The following AR variants were observed in gnomAD, a reference collection of about 807,000 sequenced individuals.
AR encodes dihydrotestosterone receptor.
In AR, 8 loss-of-function variants were observed where a neutral mutation model predicts 53.9. The observed-to-expected ratio is 0.15, with a 90% CI of 0.09 to 0.27. The LOEUF is 0.27. Ranked by LOEUF, AR falls within the 10% of genes least tolerant of loss-of-function variation. The pLI is 1.00. For synonymous variants in AR, 359 were observed against 316.4 expected, an observed-to-expected ratio of 1.13 and a Z score of -1.43; for missense variants, 639 against 742.5, an observed-to-expected ratio of 0.86 and a Z score of 1.62.
At chrX:67,581,505 C>T (rs763647822) in intron 1 of AR, among the ~76,000 whole-genome samples, 2 of 111,613 alleles carry the variant, frequency 1.8e-5, no homozygotes, top group Admixed American at 9.5e-5. Flanking sequence ...CTGGTACTGT[C>T]CTTAACCATA....
chrX:67,641,702 A>C (rs1322371669), intron 1 of AR, among the ~76,000 whole-genome samples: 1 of 111,247 alleles, frequency 9.0e-6, no homozygotes, highest in Non-Finnish European at 1.9e-5. Context: ...TTTGCAAATC[A>C]GTAGAATTTT....
At position 67,726,314 on chromosome X, in the gene AR, G is replaced by GA. The variant is rs996549081; in HGVS notation, c.*2480dup. ...GGATCACTTTTAGCTGTTTTAAACA[G>GA]AAAAAAATATCCACCACTCTTTTCA... On this transcript the variant is annotated 3_prime_UTR_variant, in exon 8 of 8. Coordinates refer to ENST00000374690, the MANE Select transcript of AR (RefSeq NM_000044.6). 2.9e-5 allele frequency: 5 copies of GA among 172,726 alleles called. No homozygotes were observed. The highest frequency in any genetic ancestry group is 5.9e-5 in the African/African-American group (2 of 33,741). 14.2% of individuals were successfully genotyped at this position (172,726 alleles called of 1,213,427 possible).
At chrX:67,713,004 G>T (rs1301368907) in intron 4 of AR, among the ~76,000 whole-genome samples, 1 of 111,656 alleles carries the variant, frequency 9.0e-6, no homozygotes, top group Non-Finnish European at 1.9e-5. Flanking sequence ...TACATAGTCA[G>T]AAAATAGCAG....
intron 2 of AR, among the ~76,000 whole-genome samples, chrX:67,685,126 T>TCC (rs1273372106): frequency 9.0e-6 from 1 of 111,504 alleles, no homozygotes; most frequent in Non-Finnish European, 1.9e-5. Context: ...AAGGATGTAT[T>TCC]TTTGCCTATT....
At chrX:67,596,652 T>G (rs1308483193) in intron 1 of AR, among the ~76,000 whole-genome samples, 1 of 111,824 alleles carries the variant, frequency 8.9e-6, no homozygotes, top group Non-Finnish European at 1.9e-5. Flanking sequence ...GATGTATAAT[T>G]GGATTATCAT....
At chrX:67,650,348 G>A (rs773813797) in intron 2 of AR, among the ~76,000 whole-genome samples, 1 of 111,939 alleles carries the variant, frequency 8.9e-6, no homozygotes, top group Non-Finnish European at 1.9e-5. Flanking sequence ...TTTTTTATGT[G>A]CCTCTCCATA....
chrX:67,597,734 T>A (rs1476752873), intron 1 of AR, among the ~76,000 whole-genome samples: 1 of 112,030 alleles, frequency 8.9e-6, no homozygotes, highest in East Asian at 2.8e-4. Context: ...CTACATGAAG[T>A]TTTTTGCTAG....
intron 2 of AR, among the ~76,000 whole-genome samples, chrX:67,652,284 G>A (rs761589147): frequency 8.5e-4 from 95 of 111,770 alleles, no homozygotes; most frequent in Middle Eastern, 4.6e-3. Flanking sequence ...TCTGTATGTG[G>A]ACCCTGAAGA....
In AR at chrX:67,725,893, G is replaced by A. The variant is rs770352150; in HGVS notation, c.*2052G>A. On this transcript the variant is annotated 3_prime_UTR_variant, in exon 8 of 8. Coordinates refer to ENST00000374690, the MANE Select transcript of AR (RefSeq NM_000044.6). ...GGCACACCTGTGTTCTGTTGACTTC[G>A]TTCTTCAAGCCCAAGTGCAAGGGAA... 169 of 173,750 alleles carry A rather than the reference G, an allele frequency of 9.7e-4. No homozygotes were observed. Among genetic ancestry groups the A allele is most frequent in the Non-Finnish European group, 1.2e-3 (111 of 91,439 alleles). 14.3% of individuals were successfully genotyped at this position (173,750 alleles called of 1,213,427 possible).
chrX:67,626,450 T>C lies in AR; in HGVS notation c.1617-16806T>C, dbSNP rs1432799833. On this transcript the variant is annotated intron_variant, in intron 1 of 7. Transcript: ENST00000374690. ...ACAGGCTCTCTCTTTTTTTTTTTTT[T>C]TTTTTTTTTTGAGATGGAGTCTGGC... Among the ~76,000 whole-genome samples, 263 of 82,123 alleles carry C rather than the reference T, an allele frequency of 3.2e-3. 1 individual carries two copies. Among genetic ancestry groups the C allele is most frequent in the African/African-American group, 0.011 (252 of 23,304 alleles). The allele number at this position is 82,123 out of a possible 115,157, so 71.3% of individuals were successfully genotyped here. A position where few individuals can be genotyped will look rare whatever the true frequency, so the allele number is the denominator to read the frequency against.
At chrX:67,613,955 C>T (rs911817358) in intron 1 of AR, among the ~76,000 whole-genome samples, 3 of 112,307 alleles carry the variant, frequency 2.7e-5, no homozygotes, top group African/African-American at 9.7e-5. Flanking sequence ...GCCACATGCA[C>T]ATCCAGTAGT....
At chrX:67,647,656 C>T (rs1220775883) in intron 2 of AR, among the ~76,000 whole-genome samples, 1 of 112,094 alleles carries the variant, frequency 8.9e-6, no homozygotes, top group Non-Finnish European at 1.9e-5. Context: ...CACAAAGCTC[C>T]TCTCATGTTT....
chrX:67,706,414 G>A (rs186497322), intron 3 of AR, among the ~76,000 whole-genome samples: 36 of 112,011 alleles, frequency 3.2e-4, no homozygotes, highest in Admixed American at 3.0e-3. Context: ...ATTTCTTCTA[G>A]ATTTTCTAGT....
At chrX:67,649,362 T>A (rs913998916) in intron 2 of AR, among the ~76,000 whole-genome samples, 1 of 112,274 alleles carries the variant, frequency 8.9e-6, no homozygotes, top group Non-Finnish European at 1.9e-5. Flanking sequence ...TATAGAAGAA[T>A]GACTTATAAT....
intron 1 of AR, among the ~76,000 whole-genome samples, chrX:67,613,035 T>A (rs1405437110): frequency 8.9e-6 from 1 of 112,395 alleles, no homozygotes; most frequent in Non-Finnish European, 1.9e-5. Flanking sequence ...ACACCCACTT[T>A]CTACGTATGA....
intron 2 of AR, among the ~76,000 whole-genome samples, chrX:67,653,567 G>A (rs1926448310): frequency 9.0e-6 from 1 of 111,282 alleles, no homozygotes; most frequent in Non-Finnish European, 1.9e-5. Flanking sequence ...AGGCTTGTTT[G>A]GGGAACATTA....
chrX:67,671,720 T>C (rs2075866636), intron 2 of AR, among the ~76,000 whole-genome samples: 2 of 112,457 alleles, frequency 1.8e-5, no homozygotes, highest in African/African-American at 6.5e-5. Context: ...TCTACAGTTT[T>C]TATGGTTTTA....
intron 1 of AR, among the ~76,000 whole-genome samples, chrX:67,631,188 C>G (rs1237775087): frequency 9.0e-6 from 1 of 111,281 alleles, no homozygotes; most frequent in Non-Finnish European, 1.9e-5. Context: ...TGTTGGCCTG[C>G]CTTGCTAGAC....
chrX:67,595,876 A>G (rs942539175), intron 1 of AR, among the ~76,000 whole-genome samples: 2 of 111,467 alleles, frequency 1.8e-5, no homozygotes, highest in Non-Finnish European at 3.8e-5. Flanking sequence ...AATGTATGAA[A>G]TCACAATGAG....
Sources: allele counts gnomAD v4.1 joint callset (sites outside exome capture counted in the v4.1 genomes callset), GRCh38; gene constraint gnomAD v4.1.1; transcripts MANE v1.5; gene names NCBI Gene and HGNC (gene_info 2026-07-23, HGNC 2026-07-21).